SLC6A16: variants seen among roughly 807,000 people sequenced by gnomAD.
SLC6A16 encodes orphan sodium- and chloride-dependent neurotransmitter transporter NTT5.
SLC6A16 carries 54 observed loss-of-function variants against 65.4 expected under a neutral mutation model. The ratio of observed to expected loss-of-function variants is 0.83; its 90% CI spans 0.66 to 1.04. The LOEUF (loss-of-function observed/expected upper bound fraction) is 1.04, where lower values mean the gene tolerates loss of function less well. Ranked by LOEUF, SLC6A16 falls within the 50% of genes least tolerant of loss-of-function variation. The pLI, the probability that SLC6A16 is intolerant of heterozygous loss-of-function variation, is 0.00. For missense variants in SLC6A16, 816 were observed against 914.0 expected (o/e 0.89, Z 1.38); for synonymous variants, 330 against 346.5 (o/e 0.95, Z 0.53).
At chr19:49,327,734 G>A (rs1348628617), upstream of SLC6A16, among the ~76,000 whole-genome samples, 2 of 152,232 alleles carry the variant, frequency 1.3e-5, no homozygotes, top group Non-Finnish European at 2.9e-5. Flanking sequence ...AGTCAAGAAG[G>A]ACTCTTGGGG....
chr19:49,335,791 G>C, the SLC6A16 span: 3 of 1,608,962 alleles, frequency 1.9e-6, no homozygotes, highest in African/African-American at 4.0e-5. This position sits in a 1 kb window ranked among gnomAD's most constrained non-coding sequence, Gnocchi z 4.6. Flanking sequence ...TTGTGGGTGA[G>C]GGGGGCTGGG....
In SLC6A16 at chr19:49,311,145, T is replaced by G; in HGVS notation, c.203A>C (p.Gln68Pro). ...EAQARTSQPK[Q>P]ISVLEALTAS... is the part of the protein sequence containing the mutation. Reference sequence around the variant, plus strand: ...AGTTAACGCCTCCAATACAGAAATTTGCTTGGGCTGACTGGTCCTGGCCTG... The same window carrying G: ...AGTTAACGCCTCCAATACAGAAATTGGCTTGGGCTGACTGGTCCTGGCCTG... Residue 68 changes from glutamine (Q) to proline (P), a missense_variant, in exon 2 of 12, where the codon CAA (glutamine) becomes CCA (proline). Physicochemically the swap from Gln to Pro is moderately conservative, Grantham distance 76 (BLOSUM62 -1). Coordinates refer to ENST00000335875, the MANE Select transcript of SLC6A16 (RefSeq NM_014037.3). 6.2e-7 allele frequency: 1 copy of G among 1,614,198 alleles called. No homozygotes were observed. The highest frequency in any genetic ancestry group is 8.5e-7 in the Non-Finnish European group (1 of 1,180,040).
intron 1 of SLC6A16, among the ~76,000 whole-genome samples, chr19:49,319,997 G>C (rs902308979): frequency 2.0e-5 from 3 of 152,038 alleles, no homozygotes; most frequent in Non-Finnish European, 4.4e-5. Context: ...TAAACTACAA[G>C]GGGAGTTAGA....
the SLC6A16 span, chr19:49,337,127 C>A: frequency 6.2e-7 from 1 of 1,614,104 alleles, no homozygotes; most frequent in East Asian, 2.2e-5. Context: ...TCAGCCTGAT[C>A]TCTCCACTCT....
At chr19:49,296,455 G>A (rs1239541960) in intron 7 of SLC6A16, among the ~76,000 whole-genome samples, 1 of 152,166 alleles carries the variant, frequency 6.6e-6, no homozygotes, top group Non-Finnish European at 1.5e-5. Context: ...AAATAGACAT[G>A]TTAACTAATG....
intron 2 of SLC6A16, among the ~76,000 whole-genome samples, 168 bp from the exon 3 acceptor site, chr19:49,310,678 GCCC>G (rs1043302289): frequency 6.6e-6 from 1 of 152,082 alleles, no homozygotes; most frequent in Non-Finnish European, 1.5e-5. Context: ...CAGTCCTCTG[GCCC>G]CCAAATCCTG....
At chr19:49,296,399 A>C (rs929673719) in intron 7 of SLC6A16, among the ~76,000 whole-genome samples, 3 of 152,244 alleles carry the variant, frequency 2.0e-5, no homozygotes, top group African/African-American at 7.2e-5. Context: ...TTTAAGGTTT[A>C]CTGTAATACC....
chr19:49,330,567 G>C, the SLC6A16 span, among the ~76,000 whole-genome samples: 1 of 152,204 alleles, frequency 6.6e-6, no homozygotes, highest in Non-Finnish European at 1.5e-5. Flanking sequence ...CAGTAAAGGA[G>C]GAGGGGATCA....
At position 49,290,287 on chromosome 19, in the gene SLC6A16, T is replaced by C. The variant is rs1970049764; in HGVS notation, c.2047A>G (p.Ile683Val). ...PIPAYFVYCR[I>V]HRIPFRPKSG... ...TTGGGCCTGAAGGGAATCCTATGTA[T>C]GCGGCAGTATACAAAGTATGCAGGG... Residue 683 changes from isoleucine to valine, a missense_variant, in exon 12 of 12, where the codon ATA (isoleucine) becomes GTA (valine). Transcript: ENST00000335875. The C allele has an allele frequency of 6.2e-7, 1 of 1,614,068 alleles. No homozygotes were observed.
intron 7 of SLC6A16, among the ~76,000 whole-genome samples, chr19:49,307,051 C>CTTTTTTTT (rs1197711801): frequency 6.4e-4 from 39 of 60,988 alleles, no homozygotes; most frequent in East Asian, 1.2e-3. Context: ...GTTTTATACA[C>CTTTTTTTT]TTTTTTTTTT....
At chr19:49,324,992 C>A (rs1360237181) in intron 1 of SLC6A16, 56 bp downstream of exon 1, 2 of 964,666 alleles carry the variant, frequency 2.1e-6, no homozygotes, top group Non-Finnish European at 2.5e-6. Context: ...TGGCGCCCAG[C>A]CCCACACACC....
chr19:49,332,649 G>A, the SLC6A16 span, among the ~76,000 whole-genome samples: 2 of 152,146 alleles, frequency 1.3e-5, no homozygotes, highest in Admixed American at 6.5e-5. Context: ...AATTATACCC[G>A]CAAAACCCTT....
Position 49,316,673 on chromosome 19 carries a change from A to G in SLC6A16, c.-64-5262T>C, listed in dbSNP as rs527653395. 5.3e-5 allele frequency among the ~76,000 whole-genome samples: 8 copies of G among 152,204 alleles called. 1 individual carries two copies. Among genetic ancestry groups the G allele is most frequent in the African/African-American group, 4.8e-5 (2 of 41,540 alleles). On this transcript the variant is annotated intron_variant, in intron 1 of 11. Coordinates refer to ENST00000335875, the MANE Select transcript of SLC6A16 (RefSeq NM_014037.3). ...GATCTTTTCCAACCCAGAGGCCACA[A>G]TGAGGAGAAATTCCTGTGAGTAAAG... is the stretch of plus-strand genomic sequence containing the variant.
intron 8 of SLC6A16, among the ~76,000 whole-genome samples, 165 bp downstream of exon 8, chr19:49,294,202 A>G (rs1301369555): frequency 6.6e-6 from 1 of 152,200 alleles, no homozygotes; most frequent in African/African-American, 2.4e-5. Context: ...ACCTAGCATT[A>G]TCCATGGAAG....
the SLC6A16 span, among the ~76,000 whole-genome samples, chr19:49,331,279 C>T: frequency 6.6e-6 from 1 of 152,128 alleles, no homozygotes; most frequent in Non-Finnish European, 1.5e-5. Context: ...CTCCCAGGCT[C>T]AAGCAGTCCT....
chr19:49,304,247 G>T (rs549766449), intron 7 of SLC6A16, among the ~76,000 whole-genome samples: 1 of 152,194 alleles, frequency 6.6e-6, no homozygotes, highest in Admixed American at 6.5e-5. Context: ...AGGCCATAAA[G>T]AGAGGGTTCT....
chr19:49,310,801 T>C lies in SLC6A16; in HGVS notation c.415+132A>G, dbSNP rs527644452. ...TCATGATCCTAAGTGTCCAGGGACC[T>C]GGCTCCTATCCTGCTCAGAGCACCA... is the stretch of plus-strand genomic sequence containing the variant. On this transcript the variant is annotated intron_variant, in intron 2 of 11. Transcript: ENST00000335875. 4.8e-4 allele frequency: 383 copies of C among 794,948 alleles called. 3 individuals are homozygous for C. The highest frequency in any genetic ancestry group is 3.3e-4 in the Non-Finnish European group (161 of 487,010). The allele number at this position is 794,948 out of a possible 1,614,324, so 49.2% of individuals were successfully genotyped here. A position where few individuals can be genotyped will look rare whatever the true frequency, so the allele number is the denominator to read the frequency against.
At chr19:49,318,778 C>T (rs1402472530) in intron 1 of SLC6A16, among the ~76,000 whole-genome samples, 3 of 152,054 alleles carry the variant, frequency 2.0e-5, no homozygotes, top group Non-Finnish European at 4.4e-5. Context: ...TCTCAGCTCA[C>T]TGCAGCCTCT....
the SLC6A16 span, among the ~76,000 whole-genome samples, chr19:49,333,116 C>T: frequency 7.9e-5 from 12 of 151,970 alleles, no homozygotes; most frequent in Non-Finnish European, 1.2e-4. Flanking sequence ...GAGCCATAAT[C>T]GTGCCACTGC....
Sources: gnomAD v4.1 joint callset for allele counts (sites outside exome capture counted in the v4.1 genomes callset) on GRCh38, gnomAD v4.1.1 for gene constraint, Gnocchi (gnomAD v3.1) non-coding constraint, MANE v1.5 for transcripts, NCBI Gene and HGNC (gene_info 2026-07-23, HGNC 2026-07-21) for gene names.